The following MYO15A variants were observed in gnomAD, a reference collection of about 807,000 sequenced individuals.
MYO15A encodes myosin XVA.
In MYO15A, 308 loss-of-function variants were observed where a neutral mutation model predicts 394.6. The observed-to-expected ratio is 0.78, with a 90% CI of 0.71 to 0.86. MYO15A has a LOEUF of 0.86. Ranked by LOEUF, MYO15A falls within the 40% of genes least tolerant of loss-of-function variation. The probability of loss-of-function intolerance (pLI) is 0.00; values close to 1 mark genes in which losing one functional copy is unlikely to be tolerated. For missense variants in MYO15A, 4,606 were observed against 4,799.1 expected, an observed-to-expected ratio of 0.96 and a Z score of 1.19; for synonymous variants, 1,957 against 2,003.8, an observed-to-expected ratio of 0.98 and a Z score of 0.62.
chr17:18,110,044 G>A, intron 1 of MYO15A: 1 of 152,600 alleles, frequency 6.6e-6, no homozygotes, highest in Non-Finnish European at 1.5e-5. Context: ...ACTCTCCACT[G>A]CACTGTCCTG....
chr17:18,120,764 C>G lies in MYO15A; in HGVS notation c.1964C>G (p.Ser655Cys). The G allele has an allele frequency of 6.9e-7, 1 of 1,442,002 alleles. No individual in the cohort carries two copies. Among genetic ancestry groups the G allele is most frequent in the Non-Finnish European group, 9.0e-7 (1 of 1,107,586 alleles). The allele number at this position is 1,442,002 out of a possible 1,614,324, so 89.3% of individuals were successfully genotyped here. A position where few individuals can be genotyped will look rare whatever the true frequency, so the allele number is the denominator to read the frequency against. ...PAPQPAPRTLSHWSALLSPPV... is the reference protein window; with the variant it reads ...PAPQPAPRTLCHWSALLSPPV... ...CCACAGCCCGCGCCCAGGACCCTCT[C>G]CCACTGGAGCGCGCTCCTGTCTCCG... Residue 655 changes from serine to cysteine, a missense_variant, in exon 2 of 66, where the codon TCC becomes TGC. Physicochemically the swap from Ser to Cys is moderately radical, Grantham distance 112. Transcript: ENST00000647165.
At position 18,121,463 on chromosome 17, in the gene MYO15A, G is replaced by T. The variant is rs1260632998; in HGVS notation, c.2663G>T (p.Arg888Leu). Reference sequence around the variant, plus strand: ...ACTCGGGCTGTGAAGCCGCAAGTGCGCCTGCCCTTCCACCGACCGCCCAGG... The same window carrying T: ...ACTCGGGCTGTGAAGCCGCAAGTGCTCCTGCCCTTCCACCGACCGCCCAGG... ...PPTRAVKPQV[R>L]LPFHRPPRAG... Residue 888 changes from arginine to leucine, a missense_variant, in exon 2 of 66, where the codon CGC (arginine) becomes CTC (leucine). By Grantham distance (102) the Arg-to-Leu change is moderately radical (BLOSUM62 -2). Around this residue, in one of 2 missense-constraint regions of MYO15A, gnomAD observed 1,830 missense variants for 1,689.7 expected, o/e 1.08. Coordinates refer to ENST00000647165, the MANE Select transcript of MYO15A (RefSeq NM_016239.4). The surrounding 1 kb of genome is among the most constrained non-coding windows in gnomAD (Gnocchi z 5.3). 2 of 1,549,406 alleles carry T rather than the reference G, an allele frequency of 1.3e-6. No individual in the cohort carries two copies. Among genetic ancestry groups the T allele is most frequent in the Non-Finnish European group, 8.7e-7 (1 of 1,147,056 alleles).
chr17:18,119,049 G>T lies in MYO15A; in HGVS notation c.249G>T (p.Thr83=). The T allele has an allele frequency of 6.2e-7, 1 of 1,612,476 alleles. No homozygotes were observed. Among genetic ancestry groups the T allele is most frequent in the Non-Finnish European group, 8.5e-7 (1 of 1,179,850 alleles). ...KRKARTVLKS[T]SKLMTQMRMG... ...AGGCCCGCACCGTGCTCAAGTCCACGTCAAAGCTCATGACGCAGATGCGCA... is the reference window on the plus strand; with the variant it reads ...AGGCCCGCACCGTGCTCAAGTCCACTTCAAAGCTCATGACGCAGATGCGCA... The change falls in exon 2 of 66, where the codon ACG becomes ACT. Residue 83 remains threonine, a synonymous_variant. Coordinates refer to ENST00000647165, the MANE Select transcript of MYO15A (RefSeq NM_016239.4).
At position 18,150,688 on chromosome 17, in the gene MYO15A, C is replaced by A; in HGVS notation, c.7328-10C>A. 1 of 1,590,082 alleles carries A rather than the reference C, an allele frequency of 6.3e-7. No individual in the cohort carries two copies. The highest frequency in any genetic ancestry group is 8.6e-7 in the Non-Finnish European group (1 of 1,166,952). ...CGGTGCCATCTGTGCCTTCTGCCCC[C>A]TCCCCTCAGTCCCAGGCCTGGATGC... On this transcript the variant is annotated splice_polypyrimidine_tract_variant and intron_variant, in intron 36 of 65. Transcript: ENST00000647165. This position sits in a 1 kb window ranked among gnomAD's most constrained non-coding sequence, Gnocchi z 4.4.
At position 18,149,006 on chromosome 17, in the gene MYO15A, G is replaced by T. The variant is rs559341182; in HGVS notation, c.6956+54G>T. On this transcript the variant is annotated intron_variant, in intron 33 of 65. Coordinates refer to ENST00000647165, the MANE Select transcript of MYO15A (RefSeq NM_016239.4). ...GATGGCCACTCCCAGGCAGAAGGCC[G>T]GCCACTCCCAGGCAGAAGGCCTGCC... 4 of 1,543,370 alleles carry T rather than the reference G, an allele frequency of 2.6e-6. No individual in the cohort carries two copies. In the South Asian group the frequency reaches 4.8e-5, roughly 18 times the overall value.
At position 18,119,473 on chromosome 17, in the gene MYO15A, G is replaced by A. The variant is rs768235542; in HGVS notation, c.673G>A (p.Gly225Arg). 1.2e-6 allele frequency: 2 copies of A among 1,612,644 alleles called. No individual in the cohort carries two copies. Among genetic ancestry groups the A allele is most frequent in the African/African-American group, 1.3e-5 (1 of 75,020 alleles). The change falls in exon 2 of 66, where the codon GGG (glycine) becomes AGG (arginine). Residue 225 changes from glycine (G) to arginine (R), a missense_variant. Gly to Arg is a moderately radical substitution (Grantham distance 125). This residue lies in a region of MYO15A where 1,830 missense variants were observed against 1,689.7 expected (regional missense o/e 1.08). Transcript: ENST00000647165. Reference sequence around the variant, plus strand: ...CTCGGGCTCCCGCAAGTCGCTGTACGGGCTTGAGGGCTTCCAGGACCTGGG... The same window carrying A: ...CTCGGGCTCCCGCAAGTCGCTGTACAGGCTTGAGGGCTTCCAGGACCTGGG... ...HHSGSRKSLY[G>R]LEGFQDLGEY...
chr17:18,160,033 T>C lies in MYO15A; in HGVS notation c.9386+16T>C, dbSNP rs753572377. The C allele has an allele frequency of 5.6e-6, 9 of 1,605,512 alleles. No homozygotes were observed. The Admixed American group carries it at 1.3e-4, about 24-fold the overall frequency. ...GCTCCAAGCAGTGAGTGAACTGGAC[T>C]TTACCCCACCATCCCCTCACTGTGT... On this transcript the variant is annotated intron_variant, in intron 56 of 65. Transcript: ENST00000647165.
rs1597752877 is a variant in MYO15A, at chr17:18,120,415, C to T, written c.1615C>T (p.Gln539Ter). ...HPFWGFLTPR[Q>*]RNLQRALSAF... ...TTTCTGGGGCTTCCTCACGCCGCGC[C>T]AGCGCAACCTCCAGCGCGCGCTGTC... Residue 539 changes from glutamine to a stop codon, truncating the protein, a stop_gained, in exon 2 of 66, where the codon CAG (glutamine) becomes TAG (stop). Transcript: ENST00000647165. LOFTEE classifies it high-confidence loss of function. 1.9e-6 allele frequency: 3 copies of T among 1,603,124 alleles called. No homozygotes were observed. The highest frequency in any genetic ancestry group is 2.6e-6 in the Non-Finnish European group (3 of 1,176,324).
rs1287540090 is a variant in MYO15A at position 18,120,841 on chromosome 17, T to C, written c.2041T>C (p.Ser681Pro). 1 of 1,159,916 alleles carries C rather than the reference T, an allele frequency of 8.6e-7. No homozygotes were observed. The allele number at this position is 1,159,916 out of a possible 1,614,324, so 71.9% of individuals were successfully genotyped here. Residue 681 changes from serine (S) to proline (P), a missense_variant, in exon 2 of 66, where the codon TCC (serine) becomes CCC (proline). This residue lies in a region of MYO15A where 1,830 missense variants were observed against 1,689.7 expected (regional missense o/e 1.08). Coordinates refer to ENST00000647165, the MANE Select transcript of MYO15A (RefSeq NM_016239.4). ...SSGPPPAPPL[S>P]PALSGLPRPA... The stretch of plus-strand genomic sequence containing the variant: ...CGGGCCCCCGCCCGCGCCGCCGCTC[T>C]CCCCGGCGCTCTCGGGCCTGCCCCG...
rs777334199 is a variant in MYO15A at position 18,121,744 on chromosome 17, GC to G, written c.2945del (p.Ala982ValfsTer4). 1 of 1,602,324 alleles carries G rather than the reference GC, an allele frequency of 6.2e-7. No homozygotes were observed. Among genetic ancestry groups the G allele is most frequent in the Non-Finnish European group, 8.5e-7 (1 of 1,173,238 alleles). The part of the protein sequence containing the change: ...PSPTLQPEDP[A>X]ADMTRVFLGR... ...CCCCACCCTCCAGCCTGAGGATCCA[GC>G]TGCTGATATGACCAGGGTCTTCCTG... is the stretch of plus-strand genomic sequence containing the variant. On this transcript the variant is annotated frameshift_variant, in exon 2 of 66. Transcript: ENST00000647165. LOFTEE classifies it high-confidence loss of function. This position sits in a 1 kb window ranked among gnomAD's most constrained non-coding sequence, Gnocchi z 5.3.
chr17:18,147,014 CAG>C lies in MYO15A; in HGVS notation c.6509+912_6509+913del, dbSNP rs1267515266. Among the ~76,000 whole-genome samples the C allele has an allele frequency of 3.3e-5, 5 of 152,264 alleles. No homozygotes were observed. The highest frequency in any genetic ancestry group is 3.3e-4 in the Admixed American group (5 of 15,284). On this transcript the variant is annotated intron_variant, in intron 30 of 65. Transcript: ENST00000647165. The surrounding 1 kb of genome is among the most constrained non-coding windows in gnomAD (Gnocchi z 4.4). ...ATAAACACACGTAAAGTGCTTAGAACAGAGAGGGGCACATGGTAGGTGCTATG... is the reference window on the plus strand; with the variant it reads ...ATAAACACACGTAAAGTGCTTAGAACAGAGGGGCACATGGTAGGTGCTATG...
In MYO15A at chr17:18,157,615, TAG is replaced by T. The variant is rs1472446453; in HGVS notation, c.8789-104_8789-103del. 131 of 1,557,306 alleles carry T rather than the reference TAG, an allele frequency of 8.4e-5. No homozygotes were observed. In the East Asian group the frequency reaches 2.9e-3, roughly 35 times the overall value. On this transcript the variant is annotated intron_variant, in intron 50 of 65. Transcript: ENST00000647165. ...GGGTTTGATGGCCTGGCCTGCCTCA[TAG>T]AGTTCCAGAGAAGGGTTAAGAATGT...
At chr17:18,143,466 G>A in intron 25 of MYO15A, 100 bp from the exon 26 acceptor site, 1 of 1,367,208 alleles carries the variant, frequency 7.3e-7, no homozygotes, top group African/African-American at 1.4e-5. Context: ...TGCCCCCCTT[G>A]CTTGAGTGTG....
chr17:18,117,425 A>G lies in MYO15A; in HGVS notation c.-219-1157A>G, dbSNP rs2045805737. 6.6e-6 allele frequency among the ~76,000 whole-genome samples: 1 copy of G among 152,246 alleles called. No homozygotes were observed. The highest frequency in any genetic ancestry group is 1.5e-5 in the Non-Finnish European group (1 of 68,044). On this transcript the variant is annotated intron_variant, in intron 1 of 65. Transcript: ENST00000647165. The surrounding 1 kb of genome is among the most constrained non-coding windows in gnomAD (Gnocchi z 4.1). ...ACTGATCTGAGGGCGTGGAGCTGGC[A>G]AGTGGCAGAACCAGGGCCAGAACCT...
At chr17:18,133,768 T>G (rs1338401157) in intron 12 of MYO15A, among the ~76,000 whole-genome samples, 3 of 151,834 alleles carry the variant, frequency 2.0e-5, no homozygotes, top group African/African-American at 7.3e-5. Flanking sequence ...GTGATTCTCC[T>G]GCCTCAGCCT....
At position 18,173,908 on chromosome 17, in the gene MYO15A, T is replaced by G. The variant is rs777073329; in HGVS notation, c.10478T>G (p.Leu3493Arg). 3.1e-6 allele frequency: 5 copies of G among 1,613,392 alleles called. No individual in the cohort carries two copies. Among genetic ancestry groups the G allele is most frequent in the Admixed American group, 1.7e-5 (1 of 60,008 alleles). Residue 3493 changes from leucine to arginine, a missense_variant, in exon 65 of 66, where the codon CTG becomes CGG. Coordinates refer to ENST00000647165, the MANE Select transcript of MYO15A (RefSeq NM_016239.4). ...GTGGCGGCCCAGCGCACCTTGCAGC[T>G]GCAGCTGGAGCAGGTGGGCCCAGCG... ...GDVAAQRTLQ[L>R]QLEQGLELCR... is the part of the protein sequence containing the mutation.
intron 57 of MYO15A, 133 bp downstream of exon 57, chr17:18,161,580 T>C: frequency 2.2e-6 from 3 of 1,339,380 alleles, no homozygotes; most frequent in Non-Finnish European, 3.2e-6. Flanking sequence ...AATATTAATA[T>C]ACTCCCCAAA....
At position 18,148,064 on chromosome 17, in the gene MYO15A, CTG is replaced by C. The variant is rs2142360575; in HGVS notation, c.6551_6552del (p.Cys2184SerfsTer34). 1 of 1,613,956 alleles carries C rather than the reference CTG, an allele frequency of 6.2e-7. No individual in the cohort carries two copies. The highest frequency in any genetic ancestry group is 8.5e-7 in the Non-Finnish European group (1 of 1,180,036). ...GATTATGGGCGGAATGGCTTCCAGG[CTG>C]TGTGTCAGCACCGCCTCATGCAGGC... On this transcript the variant is annotated frameshift_variant, in exon 31 of 66. Transcript: ENST00000647165. LOFTEE classifies it high-confidence loss of function. The surrounding 1 kb of genome is among the most constrained non-coding windows in gnomAD (Gnocchi z 4.8).
chr17:18,151,928 C>G lies in MYO15A; in HGVS notation c.7870C>G (p.Leu2624Val), dbSNP rs1440716296. 1.3e-6 allele frequency: 2 copies of G among 1,563,924 alleles called. No individual in the cohort carries two copies. Among genetic ancestry groups the G allele is most frequent in the African/African-American group, 1.3e-5 (1 of 74,106 alleles). ...LMILKGQMTH[L>V]AAAPGTQVSR... ...GATCCTGAAAGGGCAGATGACCCAC[C>G]TGGCAGCTGCACCTGGCACCCAGGT... Residue 2624 changes from leucine to valine, a missense_variant, in exon 41 of 66, where the codon CTG becomes GTG. Physicochemically the swap from Leu to Val is conservative, Grantham distance 32 (BLOSUM62 1). Around this residue, in one of 2 missense-constraint regions of MYO15A, gnomAD observed 2,776 missense variants for 3,109.3 expected, o/e 0.89. Transcript: ENST00000647165.
Sources: allele counts gnomAD v4.1 joint callset (sites outside exome capture counted in the v4.1 genomes callset), GRCh38; gene constraint gnomAD v4.1.1; regional missense constraint gnomAD v4.1.1; non-coding constraint Gnocchi (gnomAD v3.1); transcripts MANE v1.5; gene names NCBI Gene and HGNC (gene_info 2026-07-23, HGNC 2026-07-21).